COA1: variants seen among roughly 807,000 people sequenced by gnomAD.
The protein encoded by COA1 is cytochrome c oxidase assembly factor 1.
A neutral mutation model predicts 16.0 loss-of-function variants in COA1; 13 were observed. The observed-to-expected ratio is 0.81, with a 90% CI of 0.53 to 1.29. COA1 has a LOEUF of 1.29. COA1 is among the 50% of genes most tolerant of loss of function. COA1 has a pLI of 0.00. For synonymous variants in COA1, 65 were observed against 65.7 expected (o/e 0.99, Z 0.05); for missense variants, 179 against 177.0 (o/e 1.01, Z -0.06).
chr7:43,717,228 A>C (rs1563473696), intron 1 of COA1, among the ~76,000 whole-genome samples: 1 of 152,120 alleles, frequency 6.6e-6, no homozygotes, highest in Non-Finnish European at 1.5e-5. Flanking sequence ...TGCACCATCC[A>C]CCTGGAAAAG....
intron 6 of COA1, among the ~76,000 whole-genome samples, chr7:43,613,580 C>T (rs1211794513): frequency 6.6e-6 from 1 of 152,116 alleles, no homozygotes; most frequent in Non-Finnish European, 1.5e-5. Context: ...TGGTGGCTCA[C>T]ACCTGTAATC....
chr7:43,691,795 A>C (rs1034865059), intron 1 of COA1, among the ~76,000 whole-genome samples: 1 of 152,172 alleles, frequency 6.6e-6, no homozygotes, highest in African/African-American at 2.4e-5. Flanking sequence ...GCTATTCTGA[A>C]AGTGTAGGTC....
intron 6 of COA1, among the ~76,000 whole-genome samples, chr7:43,620,918 A>G (rs1343851962): frequency 6.6e-6 from 1 of 152,150 alleles, no homozygotes; most frequent in East Asian, 1.9e-4. Flanking sequence ...GCCTGAGGGA[A>G]GACTCTGTGC....
intron 1 of COA1, among the ~76,000 whole-genome samples, chr7:43,662,422 G>A (rs1388711961): frequency 6.6e-6 from 1 of 152,052 alleles, no homozygotes; most frequent in African/African-American, 2.4e-5. Flanking sequence ...TAGTAGAGAC[G>A]GGGTTTCACT....
intron 6 of COA1, among the ~76,000 whole-genome samples, chr7:43,630,673 A>G (rs913868333): frequency 6.6e-6 from 1 of 152,194 alleles, no homozygotes; most frequent in Non-Finnish European, 1.5e-5. Flanking sequence ...TGATTTCGCA[A>G]TAGTTACAGA....
intron 6 of COA1, chr7:43,626,484 G>A (rs967199011): frequency 2.0e-5 from 3 of 152,158 alleles, no homozygotes; most frequent in African/African-American, 7.2e-5. Context: ...ACAGTTTCCT[G>A]GAACCTAGCA....
At chr7:43,720,775 C>T (rs2095491520) in intron 1 of COA1, among the ~76,000 whole-genome samples, 1 of 152,178 alleles carries the variant, frequency 6.6e-6, no homozygotes, top group African/African-American at 2.4e-5. Context: ...TACTGCCAGA[C>T]ATTAAGTTGC....
At chr7:43,647,121 AATC>A (rs2089545724) in intron 3 of COA1, 5 of 196,696 alleles carry the variant, frequency 2.5e-5, no homozygotes, top group Non-Finnish European at 5.3e-5. Flanking sequence ...TCCTCCATTA[AATC>A]AACAGCAGAG....
intron 6 of COA1, among the ~76,000 whole-genome samples, chr7:43,621,766 T>C (rs142263534): frequency 1.2e-3 from 190 of 152,292 alleles, no homozygotes; most frequent in African/African-American, 3.9e-3. Context: ...CAAAACATTA[T>C]AATGGAAGTA....
At chr7:43,644,730 A>G (rs1160774283) in intron 4 of COA1, among the ~76,000 whole-genome samples, 1 of 28,272 alleles carries the variant, frequency 3.5e-5, no homozygotes, top group Non-Finnish European at 9.3e-5. Context: ...AGATAGATAG[A>G]TAGATAGATA....
intron 6 of COA1, chr7:43,619,727 A>G (rs997105690): frequency 4.3e-6 from 7 of 1,613,162 alleles, no homozygotes; most frequent in Middle Eastern, 1.7e-4. Context: ...TATGTGGGTA[A>G]GTATTCATAA....
At chr7:43,649,147 T>C (rs73108637) in intron 1 of COA1, 15,425 of 153,016 alleles carry the variant, frequency 0.1, 976 homozygotes, top group Admixed American at 0.19. Context: ...TGTCTTGTAC[T>C]ATTCTAAGCA....
intron 1 of COA1, 33 bp downstream of exon 1, chr7:43,729,396 A>T (rs1046235227): frequency 6.6e-6 from 1 of 152,246 alleles, no homozygotes; most frequent in Non-Finnish European, 1.5e-5. Flanking sequence ...TGCTGGGGGG[A>T]AGACGGAGAC....
chr7:43,642,677 CT>C (rs1412615715), intron 4 of COA1, among the ~76,000 whole-genome samples: 2 of 152,184 alleles, frequency 1.3e-5, no homozygotes, highest in African/African-American at 4.8e-5. Context: ...GGCAGCTGTG[CT>C]TCCATGGGTA....
chr7:43,679,335 A>G (rs1457056661), intron 1 of COA1, among the ~76,000 whole-genome samples: 3 of 151,910 alleles, frequency 2.0e-5, no homozygotes, highest in Non-Finnish European at 4.4e-5. Flanking sequence ...GTACAAGGAG[A>G]ATGAAAACTC....
chr7:43,729,402 G>C (rs1333732175), intron 1 of COA1, 27 bp downstream of exon 1: 2 of 152,366 alleles, frequency 1.3e-5, no homozygotes, highest in Non-Finnish European at 2.9e-5. Context: ...GGGGAAGACG[G>C]AGACTCTTAT....
intron 1 of COA1, among the ~76,000 whole-genome samples, chr7:43,722,695 G>T (rs1473533431): frequency 6.6e-6 from 1 of 152,188 alleles, no homozygotes; most frequent in African/African-American, 2.4e-5. Context: ...GAGCCACCAC[G>T]CCCAGCTAGT....
At chr7:43,610,208 A>G (rs1487091330) in intron 6 of COA1, among the ~76,000 whole-genome samples, 2 of 151,974 alleles carry the variant, frequency 1.3e-5, no homozygotes, top group East Asian at 1.9e-4. Context: ...TTAGCCAGGC[A>G]TGGTGGTGGG....
chr7:43,712,555 G>A (rs779443792), intron 1 of COA1, among the ~76,000 whole-genome samples: 22 of 152,040 alleles, frequency 1.4e-4, no homozygotes, highest in African/African-American at 3.9e-4. Context: ...TTTACCACAC[G>A]GTGTCCTGAA....
Sources: gnomAD v4.1 joint callset for allele counts (sites outside exome capture counted in the v4.1 genomes callset) on GRCh38, gnomAD v4.1.1 for gene constraint, MANE v1.5 for transcripts, NCBI Gene and HGNC (gene_info 2026-07-23, HGNC 2026-07-21) for gene names.